Variants in RDX observed in about 807,000 individuals in gnomAD.
RDX encodes deafness, autosomal recessive 24.
RDX carries 32 observed loss-of-function variants against 83.7 expected under a neutral mutation model. The ratio of observed to expected loss-of-function variants is 0.38; its 90% confidence interval spans 0.29 to 0.51. The LOEUF is 0.51. RDX is among the 20% of genes least tolerant of loss of function. The pLI is 0.87. For missense variants in RDX, 600 were observed against 689.9 expected (o/e 0.87, Z 1.46); for synonymous variants, 229 against 222.7 (o/e 1.03, Z -0.25).
intron 10 of RDX, among the ~76,000 whole-genome samples, chr11:110,242,160 G>A (rs147486620): frequency 7.3e-4 from 111 of 152,152 alleles, no homozygotes; most frequent in Middle Eastern, 3.4e-3. Flanking sequence ...TACTTAAAAC[G>A]GCAAAAAACT....
At chr11:110,252,723 CAT>C (rs1478214321) in intron 9 of RDX, among the ~76,000 whole-genome samples, 2 of 152,174 alleles carry the variant, frequency 1.3e-5, no homozygotes, top group African/African-American at 4.8e-5. Context: ...TGCTACAGCA[CAT>C]GAGCACAATA....
At chr11:110,215,933 G>A (rs906515483) in intron 14 of RDX, among the ~76,000 whole-genome samples, 4 of 152,280 alleles carry the variant, frequency 2.6e-5, no homozygotes, top group African/African-American at 9.6e-5. Flanking sequence ...GGCAGATGCA[G>A]CCATTTAGCC....
intron 3 of RDX, among the ~76,000 whole-genome samples, chr11:110,268,520 T>C (rs931148070): frequency 7.9e-5 from 12 of 152,078 alleles, no homozygotes; most frequent in African/African-American, 2.9e-4. Context: ...GCAGGAGTAG[T>C]AATGTACAGG....
rs1859624513 is a variant in RDX at position 110,258,162 on chromosome 11, T to C, written c.495A>G (p.Lys165=). Reference sequence around the variant, plus strand: ...TCTGTATTCTTTCTTCCCACTGTTCTTTTGTTAGTTTGTGTTGTTCCAATA... The same window carrying C: ...TCTGTATTCTTTCTTCCCACTGTTCCTTTGTTAGTTTGTGTTGTTCCAATA... ...QRVLEQHKLT[K]EQWEERIQNW... Residue 165 remains lysine, a synonymous_variant, in exon 6 of 14, where the codon AAA becomes AAG. Transcript: ENST00000645495. 1 of 1,611,402 alleles carries C rather than the reference T, an allele frequency of 6.2e-7. No homozygotes were observed. Among genetic ancestry groups the C allele is most frequent in the Non-Finnish European group, 8.5e-7 (1 of 1,178,548 alleles).
At chr11:110,269,424 G>A (rs1860202310) in intron 3 of RDX, among the ~76,000 whole-genome samples, 1 of 152,086 alleles carries the variant, frequency 6.6e-6, no homozygotes, top group Non-Finnish European at 1.5e-5. Flanking sequence ...CAAACCAAAG[G>A]ACTTCAAGCA....
At chr11:110,233,918 A>G (rs529681479) in intron 12 of RDX, among the ~76,000 whole-genome samples, 37 of 152,326 alleles carry the variant, frequency 2.4e-4, no homozygotes, top group Admixed American at 2.0e-3. Flanking sequence ...CTCAAATCCA[A>G]TGATCACTAA....
intron 14 of RDX, among the ~76,000 whole-genome samples, chr11:110,214,181 G>C (rs1479337302): frequency 5.9e-5 from 9 of 151,836 alleles, no homozygotes; most frequent in Admixed American, 3.3e-4. Flanking sequence ...GTGGGAGAAG[G>C]ACGTGAACAG....
intron 5 of RDX, among the ~76,000 whole-genome samples, chr11:110,262,672 A>T (rs189938890): frequency 3.7e-4 from 56 of 152,332 alleles, no homozygotes; most frequent in African/African-American, 1.3e-3. Context: ...CACGTTTCAC[A>T]CTTGACAATT....
In RDX at chr11:110,248,866, T is replaced by C. The variant is rs552016917; in HGVS notation, c.960-1033A>G. On this transcript the variant is annotated intron_variant, in intron 9 of 13. Transcript: ENST00000645495. Reference sequence around the variant, plus strand: ...TAATTTCTTGGGTAGTACCCATTTATGCCTAGATACAAGACAACAAATCAA... The same window carrying C: ...TAATTTCTTGGGTAGTACCCATTTACGCCTAGATACAAGACAACAAATCAA... Among the ~76,000 whole-genome samples, 32 of 152,352 alleles carry C rather than the reference T, an allele frequency of 2.1e-4. 1 individual carries two copies. In the South Asian group the frequency reaches 6.4e-3, roughly 31 times the overall value.
At chr11:110,236,934 C>T (rs1864877031) in intron 11 of RDX, among the ~76,000 whole-genome samples, 1 of 152,026 alleles carries the variant, frequency 6.6e-6, no homozygotes. Flanking sequence ...TTCCTCTTTT[C>T]AAAGGGAGGG....
intron 3 of RDX, among the ~76,000 whole-genome samples, chr11:110,266,191 G>A (rs1018322162): frequency 4.6e-5 from 7 of 152,024 alleles, no homozygotes; most frequent in Non-Finnish European, 5.9e-5. Flanking sequence ...AAATTAGCTG[G>A]GCGTGGTGGC....
intron 14 of RDX, among the ~76,000 whole-genome samples, chr11:110,201,662 T>C (rs1286224775): frequency 6.6e-6 from 1 of 152,250 alleles, no homozygotes; most frequent in African/African-American, 2.4e-5. Flanking sequence ...AGCCATGGGT[T>C]AGAATATATA....
At chr11:110,202,139 C>G (rs868197307) in intron 14 of RDX, among the ~76,000 whole-genome samples, 1 of 151,982 alleles carries the variant, frequency 6.6e-6, no homozygotes, top group Non-Finnish European at 1.5e-5. Flanking sequence ...CACCTGTAAT[C>G]CCAGCACTTT....
At chr11:110,180,217 T>G (rs889895321) in intron 15 of RDX, among the ~76,000 whole-genome samples, 1 of 152,178 alleles carries the variant, frequency 6.6e-6, no homozygotes, top group Admixed American at 6.5e-5. Flanking sequence ...CTTTGTTCTT[T>G]AAGAAAGCTA....
At chr11:110,258,082 CAT>C (rs1190139277) in intron 6 of RDX, 22 bp downstream of exon 6, 12 of 1,553,948 alleles carry the variant, frequency 7.7e-6, no homozygotes, top group South Asian at 2.3e-5. Flanking sequence ...AAAAAGAAAA[CAT>C]AGAAAATAGC....
intron 15 of RDX, among the ~76,000 whole-genome samples, chr11:110,198,818 G>A (rs942446758): frequency 4.0e-5 from 5 of 124,482 alleles, no homozygotes; most frequent in African/African-American, 9.7e-5. Flanking sequence ...ATCTGAATAC[G>A]TCTTTTTTTT....
chr11:110,204,273 A>G (rs2134243598), intron 14 of RDX, among the ~76,000 whole-genome samples: 1 of 152,140 alleles, frequency 6.6e-6, no homozygotes, highest in African/African-American at 2.4e-5. Flanking sequence ...AAAAAAAAAA[A>G]AAAATCAACT....
chr11:110,201,903 T>TTCTGTGTGTG (rs1863420229), intron 14 of RDX, among the ~76,000 whole-genome samples: 3 of 137,220 alleles, frequency 2.2e-5, no homozygotes, highest in South Asian at 2.6e-4. Context: ...CCGGCTAATT[T>TTCTGTGTGTG]TGTGTGTGTG....
intron 15 of RDX, among the ~76,000 whole-genome samples, chr11:110,196,653 C>T (rs577840265): frequency 6.6e-6 from 1 of 152,350 alleles, no homozygotes; most frequent in South Asian, 2.1e-4. Context: ...GTCTGACCCA[C>T]CTCAGGCCCC....
Sources: allele counts gnomAD v4.1 joint callset (sites outside exome capture counted in the v4.1 genomes callset), GRCh38; gene constraint gnomAD v4.1.1; transcripts MANE v1.5; gene names NCBI Gene and HGNC (gene_info 2026-07-23, HGNC 2026-07-21).